TSHZ2: variants seen among roughly 807,000 people sequenced by gnomAD.
TSHZ2 encodes teashirt zinc finger homeobox 2, also known as teashirt homolog 2.
Under a neutral mutation model 74.4 loss-of-function variants are expected in TSHZ2, and 21 were observed. The ratio of observed to expected loss-of-function variants is 0.28; its 90% CI spans 0.20 to 0.41. The LOEUF (loss-of-function observed/expected upper bound fraction) is 0.41. Ranked by LOEUF, TSHZ2 falls within the 10% of genes least tolerant of loss-of-function variation. TSHZ2 has a pLI of 1.00. For synonymous variants in TSHZ2, 540 were observed against 515.3 expected (o/e 1.05, Z -0.65); for missense variants, 1,244 against 1,293.5 (o/e 0.96, Z 0.59).
chr20:53,203,989 C>T (rs956173174), intron 1 of TSHZ2, among the ~76,000 whole-genome samples: 2 of 150,740 alleles, frequency 1.3e-5, no homozygotes, highest in Non-Finnish European at 3.0e-5. Flanking sequence ...GTCCAAAAAC[C>T]GTAGTGCACA....
At chr20:53,405,760 C>A (rs1358178278) in intron 2 of TSHZ2, among the ~76,000 whole-genome samples, 3 of 152,010 alleles carry the variant, frequency 2.0e-5, no homozygotes, top group Non-Finnish European at 4.4e-5. Flanking sequence ...TTTCAGGAGG[C>A]CAAGGTGGGT....
intron 2 of TSHZ2, among the ~76,000 whole-genome samples, chr20:53,335,561 AT>A (rs1979911614): frequency 6.6e-6 from 1 of 152,196 alleles, no homozygotes; most frequent in Non-Finnish European, 1.5e-5. Context: ...TGTTAGGAAA[AT>A]TGCCTTGGGT....
chr20:53,112,102 C>G (rs995753963), intron 1 of TSHZ2, among the ~76,000 whole-genome samples: 3 of 152,160 alleles, frequency 2.0e-5, no homozygotes, highest in Admixed American at 6.5e-5. Context: ...CCAGGCAAAA[C>G]CAGGTAATAG....
chr20:53,422,228 A>T (rs1273525971), intron 2 of TSHZ2, among the ~76,000 whole-genome samples: 2 of 152,220 alleles, frequency 1.3e-5, no homozygotes, highest in Non-Finnish European at 2.9e-5. Context: ...AGGGAAGATT[A>T]AAGTGTGTGC....
At chr20:53,386,299 CCT>C (rs1982041994) in intron 2 of TSHZ2, among the ~76,000 whole-genome samples, 1 of 152,170 alleles carries the variant, frequency 6.6e-6, no homozygotes. Context: ...GGGGAATATT[CCT>C]CTGTGTTCTT....
intron 1 of TSHZ2, among the ~76,000 whole-genome samples, chr20:53,050,103 G>GTGTATATATATATATATATATATA (rs1555819290): frequency 2.6e-5 from 3 of 116,058 alleles, no homozygotes; most frequent in African/African-American, 7.8e-5. Flanking sequence ...GTATATGTGT[G>GTGTATATATATATATATATATATA]TATATATATA....
intron 2 of TSHZ2, chr20:53,397,953 G>A (rs1008573160): frequency 1.3e-5 from 2 of 152,042 alleles, no homozygotes; most frequent in Non-Finnish European, 1.5e-5. Context: ...ACACAGGATG[G>A]GGAACATCAC....
chr20:53,185,985 A>C (rs1988587754), intron 1 of TSHZ2, among the ~76,000 whole-genome samples: 1 of 152,152 alleles, frequency 6.6e-6, no homozygotes, highest in Non-Finnish European at 1.5e-5. Context: ...ACTTGGGTGG[A>C]TTTCTTACTG....
intron 2 of TSHZ2, among the ~76,000 whole-genome samples, chr20:53,294,060 C>T (rs906255312): frequency 1.3e-5 from 2 of 152,080 alleles, no homozygotes; most frequent in South Asian, 2.1e-4. Context: ...TCCTGATTTG[C>T]CGTGTTGACC....
chr20:53,215,173 A>G (rs944738126), intron 1 of TSHZ2, among the ~76,000 whole-genome samples: 15 of 152,290 alleles, frequency 9.8e-5, no homozygotes, highest in Middle Eastern at 3.4e-3. Flanking sequence ...GAGAAAAAGT[A>G]GAAAATCTAA....
chr20:53,063,367 T>TA (rs1984879603), intron 1 of TSHZ2, among the ~76,000 whole-genome samples: 1 of 152,228 alleles, frequency 6.6e-6, no homozygotes, highest in African/African-American at 2.4e-5. Flanking sequence ...ACTTTGCCTA[T>TA]ATATTACATA....
chr20:53,165,093 GTGGATGGATGGATGGA>G (rs536305001), intron 1 of TSHZ2, among the ~76,000 whole-genome samples: 1 of 151,832 alleles, frequency 6.6e-6, no homozygotes, highest in Non-Finnish European at 1.5e-5. Context: ...GGATGGAAGG[GTGGATGGATGGATGGA>G]TGGATGGATG....
intron 2 of TSHZ2, among the ~76,000 whole-genome samples, chr20:53,395,360 T>A (rs1351204965): frequency 6.6e-6 from 1 of 152,186 alleles, no homozygotes; most frequent in Non-Finnish European, 1.5e-5. Flanking sequence ...AAAGATTCTG[T>A]GCAGGAAAGG....
At chr20:53,223,777 G>T (rs577300281) in intron 1 of TSHZ2, among the ~76,000 whole-genome samples, 40 of 152,214 alleles carry the variant, frequency 2.6e-4, no homozygotes, top group Non-Finnish European at 3.1e-4. Flanking sequence ...AAGAAAGGGG[G>T]AGGTAGCTGT....
chr20:53,109,204 A>G (rs887424105), intron 1 of TSHZ2, among the ~76,000 whole-genome samples: 3 of 152,196 alleles, frequency 2.0e-5, no homozygotes, highest in African/African-American at 7.2e-5. Flanking sequence ...TAAATATAGT[A>G]TCTACTTTAT....
At chr20:53,114,352 G>C (rs1458842699) in intron 1 of TSHZ2, among the ~76,000 whole-genome samples, 5 of 152,118 alleles carry the variant, frequency 3.3e-5, no homozygotes, top group Admixed American at 6.5e-5. Context: ...AGCCTAACTA[G>C]CTGCTGAATC....
chr20:53,157,282 T>TA (rs11480241), intron 1 of TSHZ2, among the ~76,000 whole-genome samples: 64,842 of 151,928 alleles, frequency 0.43, 15,675 homozygotes, highest in African/African-American at 0.67. Flanking sequence ...ATTCTACCTT[T>TA]TATCAGTGTC....
At chr20:53,421,565 G>T in intron 2 of TSHZ2, 1 of 212,154 alleles carries the variant, frequency 4.7e-6, no homozygotes, top group South Asian at 8.9e-5. Context: ...GTGCAAGAGG[G>T]CATGAATCAA....
intron 2 of TSHZ2, among the ~76,000 whole-genome samples, chr20:53,302,146 C>T (rs1978338709): frequency 1.3e-5 from 2 of 152,072 alleles, no homozygotes; most frequent in Non-Finnish European, 2.9e-5. Flanking sequence ...CCTGCCATTC[C>T]GCTTGATATG....
Sources: allele counts gnomAD v4.1 joint callset (sites outside exome capture counted in the v4.1 genomes callset), GRCh38; gene constraint gnomAD v4.1.1; transcripts MANE v1.5; gene names NCBI Gene and HGNC (gene_info 2026-07-23, HGNC 2026-07-21).